Variants in ARPP19 observed in about 807,000 individuals in gnomAD.
ARPP19 encodes cAMP regulated phosphoprotein 19.
A neutral mutation model predicts 12.0 loss-of-function variants in ARPP19; 8 were observed. That is an observed-to-expected ratio of 0.67 (90% CI 0.39 to 1.21). ARPP19 has a LOEUF of 1.21. Among genes scored for constraint, ARPP19 ranks in the 50% most tolerant of loss-of-function variants. The pLI is 0.01. For missense variants in ARPP19, 102 were observed against 136.3 expected (o/e 0.75, Z 1.25); for synonymous variants, 47 against 50.4 (o/e 0.93, Z 0.29).
Position 52,547,564 on chromosome 15 carries a change from A to G in ARPP19, c.*4370T>C, listed in dbSNP as rs1461542968. 1.3e-5 allele frequency: 2 copies of G among 152,234 alleles called. No homozygotes were observed. Among genetic ancestry groups the G allele is most frequent in the Non-Finnish European group, 2.9e-5 (2 of 68,040 alleles). The allele number at this position is 152,234 out of a possible 1,614,324, so 9.4% of individuals were successfully genotyped here. On this transcript the variant is annotated 3_prime_UTR_variant, in exon 3 of 3. Transcript: ENST00000249822. Reference sequence around the variant, plus strand: ...CAAGACCAGCAGTGATCTGCAGAATACCTAGAGGCCTACCTAATTAGAAGG... The same window carrying G: ...CAAGACCAGCAGTGATCTGCAGAATGCCTAGAGGCCTACCTAATTAGAAGG...
rs1213062357 is a variant in ARPP19 at position 52,568,948 on chromosome 15, G to GGCCACCCGGCC, written c.-67_-57dup. On this transcript the variant is annotated 5_prime_UTR_variant, in exon 1 of 3. Transcript: ENST00000249822. Reference sequence around the variant, plus strand: ...AAAGATGCAATTAGCGGGTGGCCGAGGCCACCCGGCCGCCGCCCGTCCCAG... The same window carrying GGCCACCCGGCC: ...AAAGATGCAATTAGCGGGTGGCCGAGGCCACCCGGCCGCCACCCGGCCGCCGCCCGTCCCAG... 8.5e-5 allele frequency: 91 copies of GGCCACCCGGCC among 1,065,062 alleles called. No individual in the cohort carries two copies. Among genetic ancestry groups the GGCCACCCGGCC allele is most frequent in the Non-Finnish European group, 7.9e-5 (60 of 759,446 alleles). The allele number at this position is 1,065,062 out of a possible 1,614,324, so 66.0% of individuals were successfully genotyped here. A position where few individuals can be genotyped will look rare whatever the true frequency, so the allele number is the denominator to read the frequency against.
At chr15:52,559,288 AG>A (rs1251425957) in intron 1 of ARPP19, among the ~76,000 whole-genome samples, 1 of 152,172 alleles carries the variant, frequency 6.6e-6, no homozygotes, top group Non-Finnish European at 1.5e-5. Context: ...TGCTCCAGAG[AG>A]GTAAGTGTGA....
rs370252236 is a variant in ARPP19 at position 52,568,834 on chromosome 15, C to A, written c.45+14G>T. ...CCTTGGGCAGGGCCCAGGGCTCACG[C>A]CCCGCGCGCTCACCTTCTGCTCCTC... On this transcript the variant is annotated intron_variant, in intron 1 of 2. Coordinates refer to ENST00000249822, the MANE Select transcript of ARPP19 (RefSeq NM_006628.6). The A allele has an allele frequency of 5.7e-6, 9 of 1,567,210 alleles. No individual in the cohort carries two copies. In the East Asian group the frequency reaches 2.3e-4, roughly 40 times the overall value.
chr15:52,568,784 G>T, intron 1 of ARPP19, 64 bp downstream of exon 1: 1 of 1,272,108 alleles, frequency 7.9e-7, no homozygotes, highest in Non-Finnish European at 1.1e-6. Context: ...CCGCCTGGCG[G>T]GAGCAGGCCG....
intron 1 of ARPP19, 48 bp downstream of exon 1, chr15:52,568,800 C>G: frequency 6.9e-7 from 1 of 1,457,284 alleles, no homozygotes; most frequent in Non-Finnish European, 9.2e-7. Context: ...GGCCGCCCGC[C>G]AGACCCGGCC....
rs1230174992 is a variant in ARPP19 at position 52,561,889 on chromosome 15, C to G, written c.46-4667G>C. Among the ~76,000 whole-genome samples the G allele has an allele frequency of 2.7e-5, 4 of 149,440 alleles. No homozygotes were observed. In the East Asian group the frequency reaches 5.8e-4, roughly 22 times the overall value. On this transcript the variant is annotated intron_variant, in intron 1 of 2. Coordinates refer to ENST00000249822, the MANE Select transcript of ARPP19 (RefSeq NM_006628.6). ...AGGGTGGGTGGTGGTGGTAACATAC[C>G]AGGCAAAAAATCCTTACCAAAACAG...
At chr15:52,567,974 C>T (rs1324013236) in intron 1 of ARPP19, among the ~76,000 whole-genome samples, 2 of 152,146 alleles carry the variant, frequency 1.3e-5, no homozygotes, top group Admixed American at 1.3e-4. Flanking sequence ...TCTCACTTCT[C>T]GGCCAGTCAC....
At chr15:52,568,738 T>TCATGCGCCTCGGCCC in intron 1 of ARPP19, 110 bp downstream of exon 1, 1 of 687,498 alleles carries the variant, frequency 1.5e-6, no homozygotes, top group Non-Finnish European at 2.3e-6. Context: ...AGCCTCGGCC[T>TCATGCGCCTCGGCCC]CATGCGCCTC....
At chr15:52,569,139 T>C, upstream of ARPP19, 1 of 522,010 alleles carries the variant, frequency 1.9e-6, no homozygotes, top group Non-Finnish European at 3.4e-6. Flanking sequence ...TCCCGCTCGC[T>C]GTCGTCCAAA....
chr15:52,569,050 C>T (rs2078116731), upstream of ARPP19: 3 of 603,356 alleles, frequency 5.0e-6, no homozygotes, highest in Non-Finnish European at 8.7e-6. Context: ...CCGCGAAACG[C>T]TCCGCTGGCC....
At chr15:52,553,456 G>A (rs1408088680) in intron 2 of ARPP19, among the ~76,000 whole-genome samples, 1 of 152,078 alleles carries the variant, frequency 6.6e-6, no homozygotes, top group African/African-American at 2.4e-5. Flanking sequence ...AATTTGCCTG[G>A]GTTCTAACTT....
At chr15:52,555,195 T>A (rs2077970451) in intron 2 of ARPP19, among the ~76,000 whole-genome samples, 1 of 152,058 alleles carries the variant, frequency 6.6e-6, no homozygotes, top group African/African-American at 2.4e-5. Flanking sequence ...ACTATTTATA[T>A]CTACAACACC....
Position 52,551,394 on chromosome 15 carries a change from CT to C in ARPP19, c.*539del. 1 of 152,794 alleles carries C rather than the reference CT, an allele frequency of 6.5e-6. No individual in the cohort carries two copies. The highest frequency in any genetic ancestry group is 3.4e-3 in the Middle Eastern group (1 of 294). The allele number at this position is 152,794 out of a possible 1,614,324, so 9.5% of individuals were successfully genotyped here. ...CAAATATTGCCCAAGTAAAATTCTA[CT>C]GTTAAAGCTGAAACAGGTTTAAGGC... is the stretch of plus-strand genomic sequence containing the variant. On this transcript the variant is annotated 3_prime_UTR_variant, in exon 3 of 3. Transcript: ENST00000249822.
intron 2 of ARPP19, among the ~76,000 whole-genome samples, chr15:52,556,369 A>C (rs991012627): frequency 6.6e-6 from 1 of 152,138 alleles, no homozygotes; most frequent in Non-Finnish European, 1.5e-5. Context: ...CAGCAAAGGA[A>C]GGGGTCACAG....
intron 1 of ARPP19, among the ~76,000 whole-genome samples, chr15:52,558,139 A>C (rs2077998419): frequency 6.6e-6 from 1 of 152,114 alleles, no homozygotes; most frequent in Non-Finnish European, 1.5e-5. Context: ...CTTCATGGCA[A>C]GTACTGCAGA....
Position 52,549,835 on chromosome 15 carries a change from A to C in ARPP19, c.*2099T>G, listed in dbSNP as rs780499843. ...TTTAAACTTCTTAAATTGATTCTATAATGAGTATATACTTGCTCTCATTAC... is the reference window on the plus strand; with the variant it reads ...TTTAAACTTCTTAAATTGATTCTATCATGAGTATATACTTGCTCTCATTAC... On this transcript the variant is annotated 3_prime_UTR_variant, in exon 3 of 3. Coordinates refer to ENST00000249822, the MANE Select transcript of ARPP19 (RefSeq NM_006628.6). 6.6e-6 allele frequency: 1 copy of C among 152,402 alleles called. No homozygotes were observed. The highest frequency in any genetic ancestry group is 2.4e-5 in the African/African-American group (1 of 41,304). 9.4% of individuals were successfully genotyped at this position (152,402 alleles called of 1,614,324 possible).
chr15:52,557,737 T>G (rs1307809990), intron 1 of ARPP19: 2 of 151,846 alleles, frequency 1.3e-5, no homozygotes, highest in Non-Finnish European at 2.9e-5. Flanking sequence ...TAATAAATTT[T>G]TAATATTTTT....
intron 1 of ARPP19, among the ~76,000 whole-genome samples, chr15:52,560,881 G>C (rs892508877): frequency 5.3e-5 from 8 of 152,192 alleles, no homozygotes; most frequent in African/African-American, 1.9e-4. Context: ...GGCTCTAGTA[G>C]CAGCTACACG....
In ARPP19 at chr15:52,547,564, A is replaced by T. The variant is rs1461542968; in HGVS notation, c.*4370T>A. The stretch of plus-strand genomic sequence containing the variant: ...CAAGACCAGCAGTGATCTGCAGAAT[A>T]CCTAGAGGCCTACCTAATTAGAAGG... On this transcript the variant is annotated 3_prime_UTR_variant, in exon 3 of 3. Coordinates refer to ENST00000249822, the MANE Select transcript of ARPP19 (RefSeq NM_006628.6). 6.6e-6 allele frequency: 1 copy of T among 152,234 alleles called. No homozygotes were observed. Among genetic ancestry groups the T allele is most frequent in the South Asian group, 2.1e-4 (1 of 4,830 alleles). 9.4% of individuals were successfully genotyped at this position (152,234 alleles called of 1,614,324 possible). A position where few individuals can be genotyped will look rare whatever the true frequency, so the allele number is the denominator to read the frequency against.
Sources: allele counts gnomAD v4.1 joint callset (sites outside exome capture counted in the v4.1 genomes callset), GRCh38; gene constraint gnomAD v4.1.1; transcripts MANE v1.5; gene names NCBI Gene and HGNC (gene_info 2026-07-23, HGNC 2026-07-21).